CD81: variants seen among roughly 807,000 people sequenced by gnomAD.
CD81 encodes CD81 antigen.
Under a neutral mutation model 30.1 loss-of-function variants are expected in CD81, and 10 were observed. The observed-to-expected ratio is 0.33, with a 90% CI of 0.21 to 0.56. The LOEUF is 0.56. Ranked by LOEUF, CD81 falls within the 20% of genes least tolerant of loss-of-function variation. The pLI is 0.89. For missense variants in CD81, 263 were observed against 308.7 expected (o/e 0.85, Z 1.11); for synonymous variants, 147 against 126.4 (o/e 1.16, Z -1.10).
At chr11:2,383,593 G>A (rs1589846737) in intron 1 of CD81, among the ~76,000 whole-genome samples, 2 of 152,182 alleles carry the variant, frequency 1.3e-5, no homozygotes, top group South Asian at 2.1e-4. Context: ...TGGCTGAGCC[G>A]AATGGGCACT....
chr11:2,384,329 G>C (rs931421419), intron 1 of CD81, among the ~76,000 whole-genome samples: 1 of 145,092 alleles, frequency 6.9e-6, no homozygotes, highest in African/African-American at 2.6e-5. Flanking sequence ...GGGGTGTCTC[G>C]GGAAGCGGGG....
At position 2,377,636 on chromosome 11, in the gene CD81, C is replaced by T. The variant is rs1849621833; in HGVS notation, c.66+21C>T. 2.7e-6 allele frequency: 4 copies of T among 1,485,530 alleles called. No homozygotes were observed. The Middle Eastern group carries it at 5.5e-4, about 206-fold the overall frequency. The allele number at this position is 1,485,530 out of a possible 1,614,324, so 92.0% of individuals were successfully genotyped here. A position where few individuals can be genotyped will look rare whatever the true frequency, so the allele number is the denominator to read the frequency against. On this transcript the variant is annotated intron_variant, in intron 1 of 7. Coordinates refer to ENST00000263645, the MANE Select transcript of CD81 (RefSeq NM_004356.4). This position sits in a 1 kb window ranked among gnomAD's most constrained non-coding sequence, Gnocchi z 7.7. ...TCTGGGTAAGGGCTGCGCCGGGGGC[C>T]GGGGCGGGAGGGGGCAGGCACACAC...
chr11:2,397,009 T>A lies in CD81; in HGVS notation c.*143T>A. On this transcript the variant is annotated 3_prime_UTR_variant, in exon 8 of 8. Transcript: ENST00000263645. ...AGCCTTTTTACTTTTGGGGTTTTGT[T>A]TTTGTTCTGAACTTTCCTGTTACCT... 1 of 833,368 alleles carries A rather than the reference T, an allele frequency of 1.2e-6. No individual in the cohort carries two copies. The highest frequency in any genetic ancestry group is 1.7e-5 in the African/African-American group (1 of 59,072). The allele number at this position is 833,368 out of a possible 1,614,324, so 51.6% of individuals were successfully genotyped here.
intron 1 of CD81, among the ~76,000 whole-genome samples, chr11:2,379,570 G>A (rs189348088): frequency 1.3e-5 from 2 of 151,954 alleles, no homozygotes; most frequent in African/African-American, 2.4e-5. Context: ...CTCTCTGGAC[G>A]GTGTGTCAGC....
intron 6 of CD81, chr11:2,396,258 C>T: frequency 1.8e-6 from 1 of 567,264 alleles, no homozygotes. Context: ...GTGTGGACGC[C>T]CCTGACAGCC....
chr11:2,379,617 G>A (rs1780991892), intron 1 of CD81, among the ~76,000 whole-genome samples: 1 of 152,048 alleles, frequency 6.6e-6, no homozygotes, highest in African/African-American at 2.4e-5. Context: ...AGGCTGAGAG[G>A]TCTCCCTGGC....
chr11:2,388,882 C>T (rs1244972253), intron 1 of CD81, among the ~76,000 whole-genome samples: 2 of 152,212 alleles, frequency 1.3e-5, no homozygotes, highest in Non-Finnish European at 2.9e-5. Flanking sequence ...ATGGTGGCCG[C>T]ACTTGTGGGG....
chr11:2,393,816 C>A, intron 2 of CD81: 1 of 632,206 alleles, frequency 1.6e-6, no homozygotes, highest in Non-Finnish European at 2.9e-6. Context: ...GTCATCCCTG[C>A]GAAGCACCTG....
Position 2,378,746 on chromosome 11 carries a change from A to G in CD81, c.66+1131A>G, listed in dbSNP as rs1430925110. On this transcript the variant is annotated intron_variant, in intron 1 of 7. Transcript: ENST00000263645. This position sits in a 1 kb window ranked among gnomAD's most constrained non-coding sequence, Gnocchi z 4.9. ...CCAGGCTGTCACCCCCTTCTCGTGG[A>G]AGACTCGGCTGATGTCCCAGTGGAC... is the stretch of plus-strand genomic sequence containing the variant. 2.0e-5 allele frequency among the ~76,000 whole-genome samples: 3 copies of G among 151,466 alleles called. No individual in the cohort carries two copies. In the East Asian group the frequency reaches 5.9e-4, roughly 30 times the overall value.
Position 2,395,859 on chromosome 11 carries a change from C to A in CD81, c.460-10C>A. The A allele has an allele frequency of 6.3e-7, 1 of 1,598,062 alleles. No homozygotes were observed. The highest frequency in any genetic ancestry group is 8.6e-7 in the Non-Finnish European group (1 of 1,167,368). Reference sequence around the variant, plus strand: ...ATCCAGGGCTGACCTTGCACCCCTGCTCTCTGCAGCTTGACTGCTGTGGCT... The same window carrying A: ...ATCCAGGGCTGACCTTGCACCCCTGATCTCTGCAGCTTGACTGCTGTGGCT... On this transcript the variant is annotated splice_polypyrimidine_tract_variant and intron_variant, in intron 5 of 7. Transcript: ENST00000263645.
rs1332089587 is a variant in CD81 at position 2,378,734 on chromosome 11, C to T, written c.66+1119C>T. ...TCCCCGTGCCCCCCAGGCTGTCACCCCCTTCTCGTGGAAGACTCGGCTGAT... is the reference window on the plus strand; with the variant it reads ...TCCCCGTGCCCCCCAGGCTGTCACCTCCTTCTCGTGGAAGACTCGGCTGAT... On this transcript the variant is annotated intron_variant, in intron 1 of 7. Coordinates refer to ENST00000263645, the MANE Select transcript of CD81 (RefSeq NM_004356.4). This position sits in a 1 kb window ranked among gnomAD's most constrained non-coding sequence, Gnocchi z 4.9. 6.6e-6 allele frequency among the ~76,000 whole-genome samples: 1 copy of T among 152,218 alleles called. No homozygotes were observed. Among genetic ancestry groups the T allele is most frequent in the African/African-American group, 2.4e-5 (1 of 41,458 alleles).
intron 5 of CD81, 138 bp from the exon 6 acceptor site, chr11:2,395,731 G>A: frequency 3.9e-6 from 3 of 770,258 alleles, no homozygotes; most frequent in Non-Finnish European, 4.5e-6. Context: ...GCGCAGCTGA[G>A]GAGGAAGAAG....
chr11:2,377,414 C>A lies in CD81; in HGVS notation c.-136C>A. ...CCACGCGCCCCCGCGCCCCCGCGCC[C>A]CCGCGCCCCTTTCTTCGCGCCCCCG... On this transcript the variant is annotated 5_prime_UTR_variant, in exon 1 of 8. Coordinates refer to ENST00000263645, the MANE Select transcript of CD81 (RefSeq NM_004356.4). The surrounding 1 kb of genome is among the most constrained non-coding windows in gnomAD (Gnocchi z 7.7). 6.0e-6 allele frequency: 1 copy of A among 167,270 alleles called. No homozygotes were observed. The highest frequency in any genetic ancestry group is 1.7e-4 in the South Asian group (1 of 5,862). 10.4% of individuals were successfully genotyped at this position (167,270 alleles called of 1,614,324 possible).
chr11:2,377,093 G>C (rs1849604837), upstream of CD81, among the ~76,000 whole-genome samples: 1 of 152,342 alleles, frequency 6.6e-6, no homozygotes, highest in South Asian at 2.1e-4. This position sits in a 1 kb window ranked among gnomAD's most constrained non-coding sequence, Gnocchi z 7.7. Context: ...CAGCAGCTTG[G>C]GGACGCCTCC....
intron 1 of CD81, among the ~76,000 whole-genome samples, chr11:2,388,081 C>G (rs554443624): frequency 2.0e-5 from 3 of 152,308 alleles, no homozygotes; most frequent in African/African-American, 4.8e-5. Flanking sequence ...GGGTCTTGCT[C>G]TGTCACCGAG....
Position 2,378,254 on chromosome 11 carries a change from G to A in CD81, c.66+639G>A, listed in dbSNP as rs1435674963. Reference sequence around the variant, plus strand: ...GGATGGCCCAGAAGCTGGGGTGCGCGCACCCTGGCCGTCCCTGCCTGGGAG... The same window carrying A: ...GGATGGCCCAGAAGCTGGGGTGCGCACACCCTGGCCGTCCCTGCCTGGGAG... On this transcript the variant is annotated intron_variant, in intron 1 of 7. Transcript: ENST00000263645. This position sits in a 1 kb window ranked among gnomAD's most constrained non-coding sequence, Gnocchi z 4.9. Among the ~76,000 whole-genome samples the A allele has an allele frequency of 6.6e-6, 1 of 152,084 alleles. No individual in the cohort carries two copies. Among genetic ancestry groups the A allele is most frequent in the Non-Finnish European group, 1.5e-5 (1 of 68,022 alleles).
chr11:2,390,204 C>G (rs906110744), intron 1 of CD81: 40 of 647,594 alleles, frequency 6.2e-5, no homozygotes, highest in Non-Finnish European at 1.0e-4. Flanking sequence ...GGGCCAGGCT[C>G]CAAGTAGATG....
chr11:2,389,005 T>G (rs942940624), intron 1 of CD81, among the ~76,000 whole-genome samples: 2 of 152,128 alleles, frequency 1.3e-5, no homozygotes, highest in Admixed American at 6.5e-5. Context: ...ACTGTCCTCC[T>G]GGAGCAGCAG....
intron 6 of CD81, 94 bp downstream of exon 6, chr11:2,396,064 GGGAGCGACCACACTGGGT>G: frequency 1.3e-6 from 1 of 799,984 alleles, no homozygotes. Context: ...CAGCCCCACA[GGGAGCGACCACACTGGGT>G]GGCATGGCCC....
Sources: allele counts gnomAD v4.1 joint callset (sites outside exome capture counted in the v4.1 genomes callset), GRCh38; gene constraint gnomAD v4.1.1; non-coding constraint Gnocchi (gnomAD v3.1); transcripts MANE v1.5; gene names NCBI Gene and HGNC (gene_info 2026-07-23, HGNC 2026-07-21).